HELQ: variants seen among roughly 807,000 people sequenced by gnomAD.
The protein encoded by HELQ is helicase POLQ-like.
In HELQ, 77 loss-of-function variants were observed where a neutral mutation model predicts 111.6. The ratio of observed to expected loss-of-function variants is 0.69; its 90% CI spans 0.57 to 0.83. The LOEUF is 0.83. HELQ is among the 40% of genes least tolerant of loss of function. HELQ has a pLI of 0.00. For synonymous variants in HELQ, 438 were observed against 454.7 expected, an observed-to-expected ratio of 0.96 and a Z score of 0.47; for missense variants, 1,200 against 1,288.5, an observed-to-expected ratio of 0.93 and a Z score of 1.05.
intron 12 of HELQ, among the ~76,000 whole-genome samples, 183 bp downstream of exon 12, chr4:83,429,341 G>A (rs1251686023): frequency 6.6e-6 from 1 of 152,034 alleles, no homozygotes; most frequent in Admixed American, 6.6e-5. Context: ...TAGAGACAGG[G>A]TTTTACTATA....
chr4:83,420,247 T>G (rs990174068), intron 15 of HELQ, among the ~76,000 whole-genome samples: 10 of 152,364 alleles, frequency 6.6e-5, no homozygotes, highest in African/African-American at 2.4e-4. Flanking sequence ...TAAGGTTTCC[T>G]TCTTAAATTG....
chr4:83,438,810 C>T (rs113198556), intron 8 of HELQ, among the ~76,000 whole-genome samples: 92 of 150,086 alleles, frequency 6.1e-4, no homozygotes, highest in African/African-American at 2.2e-3. Flanking sequence ...TTCATTTCCA[C>T]AGTGGTAACA....
chr4:83,413,769 C>T (rs1455728181), intron 17 of HELQ, among the ~76,000 whole-genome samples: 3 of 152,308 alleles, frequency 2.0e-5, no homozygotes, highest in Non-Finnish European at 4.4e-5. Flanking sequence ...AGTTTCTATG[C>T]CATAAAGACT....
chr4:83,430,961 A>C (rs985619147), intron 11 of HELQ, among the ~76,000 whole-genome samples: 1 of 152,024 alleles, frequency 6.6e-6, no homozygotes, highest in African/African-American at 2.4e-5. Flanking sequence ...CTCCCTGAAA[A>C]AGTTTTTGAC....
At chr4:83,412,311 C>T (rs145532320) in intron 17 of HELQ, among the ~76,000 whole-genome samples, 1 of 152,330 alleles carries the variant, frequency 6.6e-6, no homozygotes, top group East Asian at 1.9e-4. Context: ...ATCACTCACA[C>T]TCGGACTTGA....
At chr4:83,430,705 A>G (rs1159184690) in intron 11 of HELQ, among the ~76,000 whole-genome samples, 1 of 152,254 alleles carries the variant, frequency 6.6e-6, no homozygotes, top group Non-Finnish European at 1.5e-5. Context: ...AATGGAGCAC[A>G]GACATTTTCT....
At chr4:83,448,206 T>C (rs931975383) in intron 3 of HELQ, among the ~76,000 whole-genome samples, 3 of 151,460 alleles carry the variant, frequency 2.0e-5, no homozygotes, top group Non-Finnish European at 2.9e-5. Flanking sequence ...GGAGACTACA[T>C]CTCAAAAAAG....
intron 3 of HELQ, among the ~76,000 whole-genome samples, chr4:83,447,891 A>G (rs995852264): frequency 6.7e-6 from 1 of 150,134 alleles, no homozygotes; most frequent in Non-Finnish European, 1.5e-5. Flanking sequence ...AGAATAACTC[A>G]TTTTAGTAAT....
chr4:83,446,861 T>G lies in HELQ; in HGVS notation c.1366A>C (p.Ser456Arg). 6.2e-7 allele frequency: 1 copy of G among 1,613,346 alleles called. No homozygotes were observed. The highest frequency in any genetic ancestry group is 8.5e-7 in the Non-Finnish European group (1 of 1,179,304). ...TCGTCTACAACAACCAGACCCAGACTGTCAATTCTTCCAGTTTCAATCAAG... is the reference window on the plus strand; with the variant it reads ...TCGTCTACAACAACCAGACCCAGACGGTCAATTCTTCCAGTTTCAATCAAG... Reference protein sequence around the residue: ...NSLIETGRIDSLGLVVVDELH... With the variant: ...NSLIETGRIDRLGLVVVDELH... The change falls in exon 4 of 18, where the codon AGT becomes CGT. Residue 456 changes from serine (S) to arginine (R), a missense_variant. This residue lies in a region of HELQ where 610 missense variants were observed against 607.1 expected (regional missense o/e 1.00). Transcript: ENST00000295488.
At position 83,443,565 on chromosome 4, in the gene HELQ, G is replaced by C. The variant is rs747944401; in HGVS notation, c.1515C>G (p.Asp505Glu). 1 of 1,593,310 alleles carries C rather than the reference G, an allele frequency of 6.3e-7. No homozygotes were observed. The highest frequency in any genetic ancestry group is 2.2e-5 in the East Asian group (1 of 44,612). The change falls in exon 6 of 18, where the codon GAC becomes GAG. Residue 505 changes from aspartate (D) to glutamate (E), a missense_variant. Physicochemically the swap from Asp to Glu is conservative, Grantham distance 45. Transcript: ENST00000295488. Reference sequence around the variant, plus strand: ...ATTCTGCTTGAAGAAACTTTTGTAGGTCTTCAACATTGTTTAATGTTGCAC... The same window carrying C: ...ATTCTGCTTGAAGAAACTTTTGTAGCTCTTCAACATTGTTTAATGTTGCAC... ...GMSATLNNVE[D>E]LQKFLQAEYY...
Position 83,443,585 on chromosome 4 carries a change from T to C in HELQ, c.1495A>G (p.Thr499Ala). 1 of 1,583,432 alleles carries C rather than the reference T, an allele frequency of 6.3e-7. No homozygotes were observed. Among genetic ancestry groups the C allele is most frequent in the East Asian group, 2.2e-5 (1 of 44,622 alleles). ...TGTAGGTCTTCAACATTGTTTAATG[T>C]TGCACTCATACCAATAATTTGAGTC... Reference protein sequence around the residue: ...KTTQIIGMSATLNNVEDLQKF... With the variant: ...KTTQIIGMSAALNNVEDLQKF... Residue 499 changes from threonine to alanine, a missense_variant, in exon 6 of 18, where the codon ACA becomes GCA. Thr to Ala is a moderately conservative substitution (Grantham distance 58, BLOSUM62 0). Around this residue, in one of 3 missense-constraint regions of HELQ, gnomAD observed 610 missense variants for 607.1 expected, o/e 1.00. Transcript: ENST00000295488.
At chr4:83,450,681 A>T (rs1012682154) in intron 2 of HELQ, among the ~76,000 whole-genome samples, 1 of 149,742 alleles carries the variant, frequency 6.7e-6, no homozygotes, top group Non-Finnish European at 1.5e-5. Context: ...AAAAAAAAAA[A>T]CTAGCCGGGT....
At chr4:83,427,483 C>T in intron 13 of HELQ, 80 bp downstream of exon 13, 2 of 1,211,258 alleles carry the variant, frequency 1.7e-6, no homozygotes, top group Non-Finnish European at 2.2e-6. Flanking sequence ...GGCAAAGCCT[C>T]ATCTCTAAAA....
At chr4:83,427,436 C>T (rs539418036) in intron 13 of HELQ, 127 bp downstream of exon 13, 316 of 635,888 alleles carry the variant, frequency 5.0e-4, no homozygotes, top group Non-Finnish European at 7.6e-4. Flanking sequence ...GGGAAGACTG[C>T]TTGAGCCTAG....
chr4:83,409,910 T>G (rs1174891801), intron 17 of HELQ, among the ~76,000 whole-genome samples: 1 of 151,874 alleles, frequency 6.6e-6, no homozygotes, highest in Non-Finnish European at 1.5e-5. Flanking sequence ...AAAACCTAAT[T>G]AGGGCCACTG....
chr4:83,411,310 A>T lies in HELQ; in HGVS notation c.3199-3750T>A, dbSNP rs191085202. Among the ~76,000 whole-genome samples, 793 of 150,510 alleles carry T rather than the reference A, an allele frequency of 5.3e-3. 1 individual carries two copies. Among genetic ancestry groups the T allele is most frequent in the Middle Eastern group, 0.011 (3 of 284 alleles). The stretch of plus-strand genomic sequence containing the variant: ...AGTGCCTTTGAACTTTTTTTTTTTT[A>T]AATTTAGAGATAGGGTCTCCCCCAG... On this transcript the variant is annotated intron_variant, in intron 17 of 17. Coordinates refer to ENST00000295488, the MANE Select transcript of HELQ (RefSeq NM_133636.5).
chr4:83,435,251 A>G (rs1170718984), intron 9 of HELQ, among the ~76,000 whole-genome samples: 1 of 152,208 alleles, frequency 6.6e-6, no homozygotes, highest in Admixed American at 6.5e-5. Flanking sequence ...TTGTTACTAC[A>G]TGAAAGGGAG....
Position 83,439,915 on chromosome 4 carries a change from T to C in HELQ, c.1756A>G (p.Ser586Gly). The C allele has an allele frequency of 6.2e-7, 1 of 1,607,250 alleles. No individual in the cohort carries two copies. Among genetic ancestry groups the C allele is most frequent in the Admixed American group, 1.7e-5 (1 of 59,900 alleles). Residue 586 changes from serine to glycine, a missense_variant, in exon 8 of 18, where the codon AGT (serine) becomes GGT (glycine). Physicochemically the swap from Ser to Gly is moderately conservative, Grantham distance 56. Around this residue, in one of 3 missense-constraint regions of HELQ, gnomAD observed 585 missense variants for 665.3 expected, o/e 0.88. Transcript: ENST00000295488. ...GCTACATTTTCACAGTTCTTCTTAC[T>C]AGGACAAAAAACTAAGCAGGAATAA... ...PNYSCLVFCP[S>G]KKNCENVAEM...
intron 14 of HELQ, 147 bp from the exon 15 acceptor site, chr4:83,421,883 G>A: frequency 1.6e-6 from 1 of 641,302 alleles, no homozygotes; most frequent in Non-Finnish European, 2.7e-6. Flanking sequence ...TCTAACAGAT[G>A]TACTTCAGAT....
Sources: allele counts gnomAD v4.1 joint callset (sites outside exome capture counted in the v4.1 genomes callset), GRCh38; gene constraint gnomAD v4.1.1; regional missense constraint gnomAD v4.1.1; transcripts MANE v1.5; gene names NCBI Gene and HGNC (gene_info 2026-07-23, HGNC 2026-07-21).